SULF2: variants seen among roughly 807,000 people sequenced by gnomAD.
SULF2 encodes the protein sulfatase 2.
Under a neutral mutation model 107.7 loss-of-function variants are expected in SULF2, and 52 were observed. That is an observed-to-expected ratio of 0.48 (90% CI 0.39 to 0.61). The LOEUF is 0.61. Among genes scored for constraint, SULF2 ranks in the 20% least tolerant of loss-of-function variants. SULF2 has a pLI of 0.00. For missense variants in SULF2, 993 were observed against 1,177.3 expected (o/e 0.84, Z 2.29); for synonymous variants, 460 against 464.3 (o/e 0.99, Z 0.12).
chr20:47,715,480 G>T (rs1294213813), intron 3 of SULF2, among the ~76,000 whole-genome samples: 1 of 152,096 alleles, frequency 6.6e-6, no homozygotes, highest in African/African-American at 2.4e-5. Context: ...TCAGTGACGA[G>T]ACCTCGATGA....
Position 47,682,998 on chromosome 20 carries a change from A to T in SULF2, c.1060T>A (p.Cys354Ser). The change falls in exon 7 of 21, where the codon TGT becomes AGT. Residue 354 changes from cysteine (C) to serine (S), a missense_variant. By Grantham distance (112) the Cys-to-Ser change is moderately radical. This residue lies in a region of SULF2 where 108 missense variants were observed against 183.9 expected (regional missense o/e 0.59). Transcript: ENST00000688720. ...CCTGGGGGATGACACACTTACAGAC[A>T]GCCGGCTTCCACGTTGGGGCCCCTC... The part of the protein sequence containing the change: ...YVRGPNVEAG[C>S]LNPHIVLNID... 2 of 1,605,832 alleles carry T rather than the reference A, an allele frequency of 1.2e-6. No individual in the cohort carries two copies. Among genetic ancestry groups the T allele is most frequent in the Non-Finnish European group, 1.7e-6 (2 of 1,174,942 alleles).
At position 47,657,569 on chromosome 20, in the gene SULF2, A is replaced by C. The variant is rs2086935549; in HGVS notation, c.*793T>G. On this transcript the variant is annotated 3_prime_UTR_variant, in exon 21 of 21. Transcript: ENST00000688720. ...ACATACATCAACTTCATTTCTTTTCAGTACCTTAAAAAAAAAACATCAGTT... is the reference window on the plus strand; with the variant it reads ...ACATACATCAACTTCATTTCTTTTCCGTACCTTAAAAAAAAAACATCAGTT... 6.6e-6 allele frequency: 1 copy of C among 152,114 alleles called. No homozygotes were observed. The highest frequency in any genetic ancestry group is 1.5e-5 in the Non-Finnish European group (1 of 68,030). The allele number at this position is 152,114 out of a possible 1,614,324, so 9.4% of individuals were successfully genotyped here.
chr20:47,666,473 T>C lies in SULF2; in HGVS notation c.1592A>G (p.Tyr531Cys). The stretch of plus-strand genomic sequence containing the variant: ...TGAGCGGATGGAGCGACTGCGGACA[T>C]AGCTGGCCTTGTACTCTGTGGGCAT... ...KLFKKKYKASYVRSRSIRSVA... is the reference protein window; with the variant it reads ...KLFKKKYKASCVRSRSIRSVA... The change falls in exon 12 of 21, where the codon TAT becomes TGT. Residue 531 changes from tyrosine (Y) to cysteine (C), a missense_variant. Tyr to Cys is a radical substitution (Grantham distance 194). This residue lies in a region of SULF2 where 497 missense variants were observed against 544.1 expected (regional missense o/e 0.91). Coordinates refer to ENST00000688720, the MANE Select transcript of SULF2 (RefSeq NM_001387048.1). The surrounding 1 kb of genome is among the most constrained non-coding windows in gnomAD (Gnocchi z 5.4). The C allele has an allele frequency of 6.2e-7, 1 of 1,613,192 alleles. No homozygotes were observed. Among genetic ancestry groups the C allele is most frequent in the Non-Finnish European group, 8.5e-7 (1 of 1,179,984 alleles).
chr20:47,665,344 A>G (rs762434629), intron 13 of SULF2, 51 bp from the exon 14 acceptor site: 1 of 1,234,658 alleles, frequency 8.1e-7, no homozygotes, highest in South Asian at 1.2e-5. Context: ...GCTGGACAAC[A>G]AAGACTTGGC....
Position 47,666,068 on chromosome 20 carries a change from A to G in SULF2, c.1806-115T>C. 6.3e-7 allele frequency: 1 copy of G among 1,599,550 alleles called. No individual in the cohort carries two copies. Among genetic ancestry groups the G allele is most frequent in the Non-Finnish European group, 8.6e-7 (1 of 1,168,084 alleles). On this transcript the variant is annotated intron_variant, in intron 12 of 20. Coordinates refer to ENST00000688720, the MANE Select transcript of SULF2 (RefSeq NM_001387048.1). This position sits in a 1 kb window ranked among gnomAD's most constrained non-coding sequence, Gnocchi z 5.4. ...GTCTGTCCTGTCCCCTTCACCCTCG[A>G]CTTCCACCTGGACACTCACCGATGT...
In SULF2 at chr20:47,680,278, CT is replaced by C. The variant is rs1235212973; in HGVS notation, c.1065-1475del. On this transcript the variant is annotated intron_variant, in intron 7 of 20. Coordinates refer to ENST00000688720, the MANE Select transcript of SULF2 (RefSeq NM_001387048.1). This position sits in a 1 kb window ranked among gnomAD's most constrained non-coding sequence, Gnocchi z 4.2. ...CGCCATCACACCCATAATTTTTGTA[CT>C]TTTAGTAGAGGTGGGGTTTCACCAT... Among the ~76,000 whole-genome samples, 4 of 152,156 alleles carry C rather than the reference CT, an allele frequency of 2.6e-5. No individual in the cohort carries two copies. The highest frequency in any genetic ancestry group is 1.3e-4 in the Admixed American group (2 of 15,278).
intron 13 of SULF2, among the ~76,000 whole-genome samples, chr20:47,665,651 A>G (rs1479972719): frequency 6.6e-6 from 1 of 152,244 alleles, no homozygotes; most frequent in East Asian, 1.9e-4. Flanking sequence ...TGGCTAAGCC[A>G]TCGTCCCTCA....
Position 47,684,116 on chromosome 20 carries a change from T to G in SULF2, c.888+315A>C, listed in dbSNP as rs6018638. On this transcript the variant is annotated intron_variant, in intron 6 of 20. Transcript: ENST00000688720. ...TATTAAAACCACAGAATTGCACACT[T>G]TAATTGGGGGAATTGTATGGTATGT... 9.1e-3 allele frequency among the ~76,000 whole-genome samples: 1,388 copies of G among 152,308 alleles called. 22 individuals carry two copies. Among genetic ancestry groups the G allele is most frequent in the African/African-American group, 0.03 (1,248 of 41,556 alleles).
intron 3 of SULF2, among the ~76,000 whole-genome samples, chr20:47,709,844 TAGAG>T (rs2088869972): frequency 6.7e-6 from 1 of 149,936 alleles, no homozygotes; most frequent in Non-Finnish European, 1.5e-5. Flanking sequence ...ATACAAGAGA[TAGAG>T]AGATAGAGAG....
rs184206032 is a variant in SULF2 at position 47,765,140 on chromosome 20, A to G, written c.-100-7677T>C. Among the ~76,000 whole-genome samples the G allele has an allele frequency of 4.3e-3, 650 of 152,228 alleles. 3 individuals are homozygous for G. Among genetic ancestry groups the G allele is most frequent in the African/African-American group, 0.015 (619 of 41,530 alleles). On this transcript the variant is annotated intron_variant, in intron 1 of 20. Transcript: ENST00000688720. ...GCCAAGGCGGGCGGATCACGAGGTC[A>G]GGAGATCGAGACCATCCTGGGTAAC...
chr20:47,710,473 C>T lies in SULF2; in HGVS notation c.416-7803G>A, dbSNP rs188917909. ...TTTGTAGCCTAGGAGTAATAGGTCA[C>T]GCCACAGAGCCTAGGTGTGTAGTAG... On this transcript the variant is annotated intron_variant, in intron 3 of 20. Coordinates refer to ENST00000688720, the MANE Select transcript of SULF2 (RefSeq NM_001387048.1). Among the ~76,000 whole-genome samples the T allele has an allele frequency of 4.8e-3, 733 of 151,920 alleles. 31 individuals carry two copies. Among genetic ancestry groups the T allele is most frequent in the African/African-American group, 0.017 (691 of 41,204 alleles).
intron 5 of SULF2, chr20:47,686,412 T>C (rs950449585): frequency 6.6e-6 from 1 of 152,236 alleles, no homozygotes; most frequent in African/African-American, 2.4e-5. Flanking sequence ...GGGTGCACCA[T>C]TGACAGGAGG....
At chr20:47,764,128 C>T (rs959408024) in intron 1 of SULF2, among the ~76,000 whole-genome samples, 2 of 152,212 alleles carry the variant, frequency 1.3e-5, no homozygotes, top group Non-Finnish European at 2.9e-5. Context: ...TTCACCATCC[C>T]TTCTTCCCCC....
At chr20:47,704,788 G>A (rs889822809) in intron 3 of SULF2, among the ~76,000 whole-genome samples, 3 of 152,228 alleles carry the variant, frequency 2.0e-5, no homozygotes, top group Admixed American at 6.5e-5. Flanking sequence ...ACAGCTCAGC[G>A]CTGGGCCTTG....
intron 1 of SULF2, among the ~76,000 whole-genome samples, chr20:47,767,013 G>A (rs1374650415): frequency 2.6e-5 from 4 of 152,120 alleles, no homozygotes; most frequent in African/African-American, 9.7e-5. Flanking sequence ...GCGGACAGAG[G>A]TAAGCAAACA....
intron 5 of SULF2, among the ~76,000 whole-genome samples, chr20:47,689,371 T>C (rs2088121213): frequency 6.6e-6 from 1 of 152,182 alleles, no homozygotes; most frequent in Non-Finnish European, 1.5e-5. Flanking sequence ...TTGGCCTTAC[T>C]CTCTCTCTGA....
chr20:47,677,717 G>A (rs1487728178), intron 8 of SULF2, among the ~76,000 whole-genome samples: 1 of 152,196 alleles, frequency 6.6e-6, no homozygotes, highest in Non-Finnish European at 1.5e-5. Context: ...TCCTAGATGG[G>A]GACTCTGAAG....
At chr20:47,725,990 C>T (rs926399954) in intron 3 of SULF2, among the ~76,000 whole-genome samples, 7 of 152,088 alleles carry the variant, frequency 4.6e-5, no homozygotes, top group Non-Finnish European at 8.8e-5. Flanking sequence ...GACCCTGACC[C>T]GAGACCCAGG....
intron 2 of SULF2, among the ~76,000 whole-genome samples, chr20:47,744,628 T>C (rs1274676407): frequency 6.6e-6 from 1 of 152,106 alleles, no homozygotes; most frequent in African/African-American, 2.4e-5. Context: ...GGTCTTGAAC[T>C]CCAGGGCTCA....
Sources: allele counts gnomAD v4.1 joint callset (sites outside exome capture counted in the v4.1 genomes callset), GRCh38; gene constraint gnomAD v4.1.1; regional missense constraint gnomAD v4.1.1; non-coding constraint Gnocchi (gnomAD v3.1); transcripts MANE v1.5; gene names NCBI Gene and HGNC (gene_info 2026-07-23, HGNC 2026-07-21).